KLHL13: variants seen among roughly 807,000 people sequenced by gnomAD.
The protein encoded by KLHL13 is kelch-like protein 13.
In KLHL13, 10 loss-of-function variants were observed where a neutral mutation model predicts 37.1. The observed-to-expected ratio is 0.27, with a 90% confidence interval of 0.17 to 0.46. The LOEUF (loss-of-function observed/expected upper bound fraction) is 0.46, where lower values mean the gene tolerates loss of function less well. KLHL13 is among the 20% of genes least tolerant of loss of function. The probability of loss-of-function intolerance (pLI) is 1.00; values close to 1 mark genes in which losing one functional copy is unlikely to be tolerated. For synonymous variants in KLHL13, 163 were observed against 181.2 expected, an observed-to-expected ratio of 0.90 and a Z score of 0.81; for missense variants, 360 against 509.3, an observed-to-expected ratio of 0.71 and a Z score of 2.82.
intron 1 of KLHL13, among the ~76,000 whole-genome samples, chrX:117,982,496 C>A (rs1169260426): frequency 9.0e-6 from 1 of 111,465 alleles, no homozygotes; most frequent in East Asian, 2.8e-4. Flanking sequence ...CCCCACTGCC[C>A]TGGTTAATAT....
intron 1 of KLHL13, among the ~76,000 whole-genome samples, chrX:118,080,662 G>A (rs1031884167): frequency 8.9e-6 from 1 of 112,015 alleles, no homozygotes; most frequent in Non-Finnish European, 1.9e-5. Context: ...ACTGTTGGTG[G>A]GAATGTAAAT....
intron 1 of KLHL13, among the ~76,000 whole-genome samples, chrX:117,958,781 C>T (rs1016173660): frequency 9.0e-6 from 1 of 111,351 alleles, no homozygotes; most frequent in African/African-American, 3.3e-5. Flanking sequence ...ATGCTTACCA[C>T]TCTTTACTAA....
intron 2 of KLHL13, among the ~76,000 whole-genome samples, chrX:117,935,298 T>C (rs1308017860): frequency 1.8e-5 from 2 of 112,723 alleles, no homozygotes; most frequent in African/African-American, 3.2e-5. Context: ...GGAAGCATGT[T>C]ATATGCCACA....
intron 2 of KLHL13, among the ~76,000 whole-genome samples, chrX:117,930,599 C>CA (rs753872259): frequency 2.9e-4 from 32 of 111,383 alleles, no homozygotes; most frequent in Non-Finnish European, 3.0e-4. Context: ...AGCAAATAAC[C>CA]AAAAATACTC....
intron 1 of KLHL13, among the ~76,000 whole-genome samples, chrX:118,021,384 C>T (rs1283207739): frequency 4.7e-5 from 5 of 106,847 alleles, no homozygotes; most frequent in African/African-American, 1.7e-4. Flanking sequence ...TGTTATCCCT[C>T]CCCCCTACCC....
rs977533909 is a variant in KLHL13, at chrX:117,938,951, T to A, written c.240+6483A>T. Among the ~76,000 whole-genome samples the A allele has an allele frequency of 1.3e-4, 14 of 110,815 alleles. No individual in the cohort carries two copies. The East Asian group carries it at 2.6e-3, about 20-fold the overall frequency. On this transcript the variant is annotated intron_variant, in intron 2 of 6. Coordinates refer to ENST00000262820, the Ensembl canonical transcript of KLHL13. ...TTAGAGGATTAGAGGGATTTATTTT[T>A]TTTTTATACTTAAAGTTCTGGGATA...
rs147209127 is a variant in KLHL13 at position 118,030,544 on chromosome X, T to C, written c.-55-84969A>G. Among the ~76,000 whole-genome samples the C allele has an allele frequency of 1.6e-3, 182 of 112,075 alleles. 2 individuals are homozygous for C. The highest frequency in any genetic ancestry group is 5.7e-3 in the African/African-American group (176 of 30,868). ...CTTAATCTCTGCTATGGTTTGAATG[T>C]GCCCCCAAAAAAGAATGTGTTGGAA... On this transcript the variant is annotated intron_variant, in intron 1 of 6. Transcript: ENST00000371882.
chrX:117,921,113 CT>C (rs1294517436), intron 2 of KLHL13, among the ~76,000 whole-genome samples: 1 of 111,806 alleles, frequency 8.9e-6, no homozygotes, highest in East Asian at 2.8e-4. Context: ...TGTTGATTAG[CT>C]TTTTCACTAC....
At chrX:117,983,553 T>A in intron 1 of KLHL13, 1 of 1,127,684 alleles carries the variant, frequency 8.9e-7, no homozygotes, top group Non-Finnish European at 1.2e-6. Context: ...CTCCTGAAAG[T>A]GGAGTGCAAA....
At position 117,937,488 on chromosome X, in the gene KLHL13, A is replaced by T. The variant is rs6646004; in HGVS notation, c.240+7946T>A. ...GCTAAGGGCTCTGAGACCCAGTTAC[A>T]CTTGTTTTGTCAGCTGTTATATATT... On this transcript the variant is annotated intron_variant, in intron 2 of 6. Coordinates refer to ENST00000262820, the Ensembl canonical transcript of KLHL13. Among the ~76,000 whole-genome samples, 526 of 111,733 alleles carry T rather than the reference A, an allele frequency of 4.7e-3. 4 individuals carry two copies. The highest frequency in any genetic ancestry group is 0.015 in the African/African-American group (448 of 30,777).
exon 3 of KLHL13, chrX:117,920,266 A>G (rs1279422520): frequency 1.7e-6 from 2 of 1,207,375 alleles, no homozygotes; most frequent in Non-Finnish European, 2.2e-6. Context: ...AGTAATCACT[A>G]GCAGATGCCA....
At chrX:117,959,648 C>T (rs374701042) in intron 1 of KLHL13, among the ~76,000 whole-genome samples, 8 of 112,100 alleles carry the variant, frequency 7.1e-5, no homozygotes, top group African/African-American at 2.6e-4. Flanking sequence ...ATCACATTCT[C>T]TTTCAAGGTA....
chrX:117,939,801 T>A (rs971944898), intron 2 of KLHL13, among the ~76,000 whole-genome samples: 5 of 112,345 alleles, frequency 4.5e-5, no homozygotes, highest in Non-Finnish European at 9.4e-5. Context: ...TGTTTTTTTC[T>A]TGTAAATTTG....
At chrX:117,945,654 CAG>C in intron 1 of KLHL13, 79 bp from the exon 3 acceptor site, 2 of 861,424 alleles carry the variant, frequency 2.3e-6, no homozygotes, top group Admixed American at 2.6e-5. Flanking sequence ...GAAAAATAAT[CAG>C]TCACTATTGC....
In KLHL13 at chrX:117,969,995, G is replaced by A. The variant is rs138457886; in HGVS notation, c.98+2736C>T. Among the ~76,000 whole-genome samples the A allele has an allele frequency of 5.8e-3, 651 of 111,604 alleles. 2 individuals are homozygous for A. The highest frequency in any genetic ancestry group is 9.3e-3 in the Non-Finnish European group (495 of 53,073). On this transcript the variant is annotated intron_variant, in intron 1 of 6. Coordinates refer to ENST00000262820, the Ensembl canonical transcript of KLHL13. ...GCTCGATGTTTGCAGTAAGTAAAAT[G>A]TTCTCTATTGTAGCCTTCACTAGCA...
At chrX:118,030,666 T>C (rs2054327252) in intron 1 of KLHL13, among the ~76,000 whole-genome samples, 2 of 112,048 alleles carry the variant, frequency 1.8e-5, no homozygotes, top group Non-Finnish European at 3.8e-5. Context: ...GCCATTATCA[T>C]GGGAATGCGT....
At chrX:118,030,094 G>T (rs2054319605) in intron 1 of KLHL13, among the ~76,000 whole-genome samples, 1 of 111,177 alleles carries the variant, frequency 9.0e-6, no homozygotes, top group Non-Finnish European at 1.9e-5. Flanking sequence ...TGAATTTAAG[G>T]AAAAGAAATA....
At chrX:118,002,281 AT>A (rs1439691986) in intron 1 of KLHL13, among the ~76,000 whole-genome samples, 1 of 110,994 alleles carries the variant, frequency 9.0e-6, no homozygotes, top group Non-Finnish European at 1.9e-5. Flanking sequence ...GCTAAGTGTT[AT>A]GATAGATGTG....
chrX:117,973,430 A>G (rs889549693), exon 1 of KLHL13: 4 of 964,651 alleles, frequency 4.1e-6, no homozygotes, highest in Non-Finnish European at 5.3e-6. Context: ...GACTAAATTC[A>G]GCAGCCTGCT....
Sources: gnomAD v4.1 joint callset for allele counts (sites outside exome capture counted in the v4.1 genomes callset) on GRCh38, gnomAD v4.1.1 for gene constraint, MANE v1.5 for transcripts, NCBI Gene and HGNC (gene_info 2026-07-23, HGNC 2026-07-21) for gene names.